The following FHIP1A variants were observed in gnomAD, a reference collection of about 807,000 sequenced individuals.
The protein encoded by FHIP1A is FHF complex subunit HOOK-interacting protein 1A.
In FHIP1A, 61 loss-of-function variants were observed where a neutral mutation model predicts 88.6. The ratio of observed to expected loss-of-function variants is 0.69; its 90% CI spans 0.56 to 0.85. The LOEUF (loss-of-function observed/expected upper bound fraction) is 0.85, where lower values mean the gene tolerates loss of function less well. FHIP1A is among the 40% of genes least tolerant of loss of function. The pLI is 0.00. For synonymous variants in FHIP1A, 478 were observed against 496.0 expected, an observed-to-expected ratio of 0.96 and a Z score of 0.48; for missense variants, 1,154 against 1,273.5, an observed-to-expected ratio of 0.91 and a Z score of 1.43.
rs149958236 is a variant in FHIP1A, at chr4:151,569,132, A to G, written c.105+2768A>G. Among the ~76,000 whole-genome samples the G allele has an allele frequency of 6.4e-3, 980 of 152,286 alleles. 9 individuals are homozygous for G. The highest frequency in any genetic ancestry group is 0.022 in the African/African-American group (893 of 41,534). ...TACTGTGACTGCAGCCCCTGGGTTC[A>G]CCTGAGGCAACCCAAGAAAAACCTG... On this transcript the variant is annotated intron_variant, in intron 4 of 13. Coordinates refer to ENST00000435205, the MANE Select transcript of FHIP1A (RefSeq NM_001109977.3).
chr4:151,446,360 A>G (rs979127705), intron 1 of FHIP1A, among the ~76,000 whole-genome samples: 3 of 151,976 alleles, frequency 2.0e-5, no homozygotes, highest in African/African-American at 7.3e-5. Context: ...TATCTTTCCA[A>G]TTAGTTCCTC....
At chr4:151,501,828 G>T (rs1390698537) in intron 3 of FHIP1A, among the ~76,000 whole-genome samples, 2 of 146,498 alleles carry the variant, frequency 1.4e-5, no homozygotes, top group Non-Finnish European at 3.0e-5. Flanking sequence ...AATATATTCT[G>T]GATACTAAAC....
At chr4:151,588,199 G>A (rs1169712454) in intron 6 of FHIP1A, among the ~76,000 whole-genome samples, 12 of 151,840 alleles carry the variant, frequency 7.9e-5, no homozygotes, top group Admixed American at 7.9e-4. Flanking sequence ...TTAGTAGAGG[G>A]TTATCTACAC....
In FHIP1A at chr4:151,584,884, G is replaced by A. The variant is rs75660239; in HGVS notation, c.733-1757G>A. ...TACTCTTTTTCTGGCTAACTCCTAC[G>A]TACTCTTCACCAGCTTAGATATCAC... On this transcript the variant is annotated intron_variant, in intron 5 of 13. Transcript: ENST00000435205. Among the ~76,000 whole-genome samples, 1,131 of 151,868 alleles carry A rather than the reference G, an allele frequency of 7.4e-3. 26 individuals carry two copies. In the East Asian group the frequency reaches 0.087, roughly 12 times the overall value.
chr4:151,417,898 A>G (rs965261680), intron 1 of FHIP1A, among the ~76,000 whole-genome samples: 7 of 152,166 alleles, frequency 4.6e-5, no homozygotes, highest in East Asian at 1.9e-4. Flanking sequence ...GCCAGGCCCA[A>G]TGGCTCATGC....
intron 2 of FHIP1A, among the ~76,000 whole-genome samples, chr4:151,464,597 A>G (rs1436859321): frequency 6.6e-6 from 1 of 152,164 alleles, no homozygotes; most frequent in African/African-American, 2.4e-5. Context: ...ATTTTAAAAC[A>G]AAACTGCTCC....
intron 7 of FHIP1A, among the ~76,000 whole-genome samples, chr4:151,599,868 C>T (rs1394384058): frequency 6.6e-6 from 1 of 152,270 alleles, no homozygotes; most frequent in East Asian, 1.9e-4. Context: ...AGACCTCTTT[C>T]CTGGTGTACA....
At chr4:151,588,630 C>T (rs534252633) in intron 6 of FHIP1A, among the ~76,000 whole-genome samples, 2 of 152,276 alleles carry the variant, frequency 1.3e-5, no homozygotes, top group Non-Finnish European at 2.9e-5. Context: ...AGTTCAACTT[C>T]TGCGGATTTT....
chr4:151,577,180 T>G (rs1733825297), intron 4 of FHIP1A, among the ~76,000 whole-genome samples: 1 of 152,218 alleles, frequency 6.6e-6, no homozygotes, highest in Admixed American at 6.5e-5. Flanking sequence ...TGTAGCTTAA[T>G]TTATATAACC....
Position 151,656,857 on chromosome 4 carries a change from G to T in FHIP1A, c.2828G>T (p.Arg943Leu). Residue 943 changes from arginine (R) to leucine (L), a missense_variant, in exon 13 of 14, where the codon CGT (arginine) becomes CTT (leucine). Coordinates refer to ENST00000435205, the MANE Select transcript of FHIP1A (RefSeq NM_001109977.3). The surrounding 1 kb of genome is among the most constrained non-coding windows in gnomAD (Gnocchi z 4.2). ...LIQAQQYLLFRVDMSDMTPAA... is the reference protein window; with the variant it reads ...LIQAQQYLLFLVDMSDMTPAA... Reference sequence around the variant, plus strand: ...CAAGCTCAGCAGTACCTGCTCTTCCGTGTGGACATGTCTGATATGACCCCT... The same window carrying T: ...CAAGCTCAGCAGTACCTGCTCTTCCTTGTGGACATGTCTGATATGACCCCT... 6.4e-7 allele frequency: 1 copy of T among 1,551,530 alleles called. No individual in the cohort carries two copies. The highest frequency in any genetic ancestry group is 1.2e-5 in the South Asian group (1 of 84,044).
rs193291034 is a variant in FHIP1A, at chr4:151,509,600, C to T, written c.-123+26952C>T. 7.2e-5 allele frequency among the ~76,000 whole-genome samples: 11 copies of T among 152,242 alleles called. No individual in the cohort carries two copies. The East Asian group carries it at 1.9e-3, about 27-fold the overall frequency. On this transcript the variant is annotated intron_variant, in intron 3 of 13. Coordinates refer to ENST00000435205, the MANE Select transcript of FHIP1A (RefSeq NM_001109977.3). ...TGAAATGTACCTCGGTTGTCATTCT[C>T]AGCTGACACATAAGTAAATAGTGGT...
chr4:151,476,916 T>C (rs751880122), intron 2 of FHIP1A, among the ~76,000 whole-genome samples: 1 of 151,970 alleles, frequency 6.6e-6, no homozygotes. Flanking sequence ...TACCTAAGAA[T>C]AAACTTAGGA....
intron 2 of FHIP1A, among the ~76,000 whole-genome samples, chr4:151,481,806 T>C (rs1055785504): frequency 6.6e-6 from 1 of 152,198 alleles, no homozygotes; most frequent in African/African-American, 2.4e-5. Flanking sequence ...CTGCTAAGGG[T>C]TAGTCTCTCT....
chr4:151,637,156 A>G (rs887950689), intron 8 of FHIP1A, among the ~76,000 whole-genome samples: 2 of 152,172 alleles, frequency 1.3e-5, no homozygotes, highest in African/African-American at 4.8e-5. Context: ...GCCATATACA[A>G]AAATTAACTC....
chr4:151,485,282 G>GTTTTTTTTTTTTTTTTTTTTTTTTT (rs74327398), intron 3 of FHIP1A, among the ~76,000 whole-genome samples: 4 of 118,742 alleles, frequency 3.4e-5, no homozygotes, highest in African/African-American at 6.9e-5. Flanking sequence ...ATCTTTTCCA[G>GTTTTTTTTTTTTTTTTTTTTTTTTT]TTTTTTTTTT....
intron 3 of FHIP1A, among the ~76,000 whole-genome samples, chr4:151,532,357 G>T (rs1456594657): frequency 1.3e-5 from 2 of 152,168 alleles, no homozygotes; most frequent in Non-Finnish European, 2.9e-5. Context: ...CATTCAACAG[G>T]ATTTTGAGTT....
rs548574815 is a variant in FHIP1A at position 151,424,347 on chromosome 4, A to C, written c.-356+14882A>C. Among the ~76,000 whole-genome samples the C allele has an allele frequency of 1.8e-4, 28 of 152,288 alleles. 1 individual carries two copies. The highest frequency in any genetic ancestry group is 6.3e-4 in the African/African-American group (26 of 41,546). Reference sequence around the variant, plus strand: ...AAAGGATTCTACCATTCTTAGAAAAAAGGAGGAGTGCTGGATGGCAAGAGC... The same window carrying C: ...AAAGGATTCTACCATTCTTAGAAAACAGGAGGAGTGCTGGATGGCAAGAGC... On this transcript the variant is annotated intron_variant, in intron 1 of 13. Coordinates refer to ENST00000435205, the MANE Select transcript of FHIP1A (RefSeq NM_001109977.3).
At chr4:151,555,967 A>G (rs953846483) in intron 3 of FHIP1A, among the ~76,000 whole-genome samples, 20 of 152,128 alleles carry the variant, frequency 1.3e-4, no homozygotes, top group African/African-American at 4.8e-4. Context: ...TTCTTACTCT[A>G]AGGTTTACAT....
chr4:151,614,155 T>G (rs554385416), intron 7 of FHIP1A, among the ~76,000 whole-genome samples: 2 of 132,088 alleles, frequency 1.5e-5, no homozygotes, highest in South Asian at 2.5e-4. Flanking sequence ...AGAGCAAGAC[T>G]CCATCTCAAA....
Sources: allele counts gnomAD v4.1 joint callset (sites outside exome capture counted in the v4.1 genomes callset), GRCh38; gene constraint gnomAD v4.1.1; non-coding constraint Gnocchi (gnomAD v3.1); transcripts MANE v1.5; gene names NCBI Gene and HGNC (gene_info 2026-07-23, HGNC 2026-07-21).